The following ADAM23 variants were observed in gnomAD, a reference collection of about 807,000 sequenced individuals.
ADAM23 encodes the protein disintegrin and metalloproteinase domain-containing protein 23.
In ADAM23, 33 loss-of-function variants were observed where a neutral mutation model predicts 120.1. That is an observed-to-expected ratio of 0.27 (90% confidence interval 0.21 to 0.37). The LOEUF (loss-of-function observed/expected upper bound fraction) is 0.37, where lower values mean the gene tolerates loss of function less well. Among genes scored for constraint, ADAM23 ranks in the 10% least tolerant of loss-of-function variants. ADAM23 has a pLI of 1.00. For missense variants in ADAM23, 862 were observed against 1,058.2 expected (o/e 0.81, Z 2.57); for synonymous variants, 367 against 375.2 (o/e 0.98, Z 0.25).
At chr2:206,516,841 C>T (rs979477678) in intron 3 of ADAM23, among the ~76,000 whole-genome samples, 1 of 152,010 alleles carries the variant, frequency 6.6e-6, no homozygotes, top group African/African-American at 2.4e-5. Flanking sequence ...AGTGAGCTGG[C>T]ACCCAACCTA....
intron 3 of ADAM23, among the ~76,000 whole-genome samples, chr2:206,486,357 TCAAA>T (rs1309221384): frequency 1.1e-4 from 16 of 151,972 alleles, no homozygotes; most frequent in East Asian, 3.9e-4. Flanking sequence ...TTTTTTAGTG[TCAAA>T]CAAGCATTTT....
At chr2:206,599,204 CAAA>C (rs199786169) in intron 24 of ADAM23, among the ~76,000 whole-genome samples, 9 of 70,234 alleles carry the variant, frequency 1.3e-4, no homozygotes, top group Non-Finnish European at 1.2e-4. Context: ...GATTCCATCT[CAAA>C]AAAAAAAAAA....
chr2:206,587,307 A>G lies in ADAM23; in HGVS notation c.1738-18A>G, dbSNP rs895358835. Reference sequence around the variant, plus strand: ...ACCTAGCATGCTGAATATTAACTAAAAAGATAATATTTTGCAGTGCCCACC... The same window carrying G: ...ACCTAGCATGCTGAATATTAACTAAGAAGATAATATTTTGCAGTGCCCACC... On this transcript the variant is annotated intron_variant, in intron 18 of 25. Coordinates refer to ENST00000264377, the MANE Select transcript of ADAM23 (RefSeq NM_003812.4). 5.7e-6 allele frequency: 9 copies of G among 1,586,038 alleles called. No individual in the cohort carries two copies. The Admixed American group carries it at 1.0e-4, about 18-fold the overall frequency.
intron 25 of ADAM23, among the ~76,000 whole-genome samples, chr2:206,616,251 A>T (rs202050171): frequency 1.3e-5 from 2 of 152,286 alleles, no homozygotes; most frequent in East Asian, 3.9e-4. Flanking sequence ...TTGGTTTCAC[A>T]TTGGTTTCTT....
rs759443973 is a variant in ADAM23 at position 206,571,803 on chromosome 2, A to G, written c.1643A>G (p.Asn548Ser). The change falls in exon 17 of 26, where the codon AAT (asparagine) becomes AGT (serine). Residue 548 changes from asparagine to serine, a missense_variant. This residue lies in a region of ADAM23 where 617 missense variants were observed against 813.5 expected (regional missense o/e 0.76). Coordinates refer to ENST00000264377, the MANE Select transcript of ADAM23 (RefSeq NM_003812.4). ...AHCSDGPCCN[N>S]TSCLFQPRGY... Reference sequence around the variant, plus strand: ...TGCAGCGACGGGCCCTGCTGTAACAATACCTCATGTCTTGTGAGTTTTCTG... The same window carrying G: ...TGCAGCGACGGGCCCTGCTGTAACAGTACCTCATGTCTTGTGAGTTTTCTG... 2 of 1,613,908 alleles carry G rather than the reference A, an allele frequency of 1.2e-6. No individual in the cohort carries two copies. Among genetic ancestry groups the G allele is most frequent in the Non-Finnish European group, 1.7e-6 (2 of 1,179,822 alleles).
At chr2:206,605,973 C>T (rs1269744035) in intron 24 of ADAM23, 8 of 586,052 alleles carry the variant, frequency 1.4e-5, no homozygotes, top group African/African-American at 1.1e-4. Context: ...TCCTGTTGAC[C>T]GTGTTTCCTG....
rs191761396 is a variant in ADAM23, at chr2:206,455,586, T to C, written c.432+10062T>C. On this transcript the variant is annotated intron_variant, in intron 2 of 25. Coordinates refer to ENST00000264377, the MANE Select transcript of ADAM23 (RefSeq NM_003812.4). ...TCCAAACGTTTATGCTCTGCTTCTC[T>C]TTTAAATATAAGTTCCAGTTTCAGC... 2.6e-5 allele frequency among the ~76,000 whole-genome samples: 4 copies of C among 152,356 alleles called. No homozygotes were observed. The East Asian group carries it at 7.7e-4, about 29-fold the overall frequency.
In ADAM23 at chr2:206,530,682, T is replaced by C. The variant is rs1449586311; in HGVS notation, c.510-203T>C. On this transcript the variant is annotated intron_variant, in intron 3 of 25. Coordinates refer to ENST00000264377, the MANE Select transcript of ADAM23 (RefSeq NM_003812.4). Reference sequence around the variant, plus strand: ...TCTGTGTCTTGTCTTTTTTTTTTTTTTTTTTTTTTCTGCAGATTGGGGAGT... The same window carrying C: ...TCTGTGTCTTGTCTTTTTTTTTTTTCTTTTTTTTTCTGCAGATTGGGGAGT... Among the ~76,000 whole-genome samples the C allele has an allele frequency of 2.8e-4, 42 of 147,974 alleles. 1 individual carries two copies. The highest frequency in any genetic ancestry group is 4.7e-4 in the Admixed American group (7 of 14,902).
At chr2:206,518,809 A>T (rs1008647707) in intron 3 of ADAM23, among the ~76,000 whole-genome samples, 11 of 152,202 alleles carry the variant, frequency 7.2e-5, no homozygotes, top group Non-Finnish European at 1.5e-4. Flanking sequence ...TACAGCATAT[A>T]GGCAATACGA....
At chr2:206,543,998 G>C (rs918374312) in intron 6 of ADAM23, among the ~76,000 whole-genome samples, 14 of 152,174 alleles carry the variant, frequency 9.2e-5, no homozygotes, top group Non-Finnish European at 1.3e-4. Context: ...GGTGGTGAGT[G>C]ATAAAACACA....
rs116796480 is a variant in ADAM23 at position 206,575,432 on chromosome 2, G to A, written c.1737+2237G>A. 3.3e-3 allele frequency among the ~76,000 whole-genome samples: 507 copies of A among 152,192 alleles called. 3 individuals are homozygous for A. The highest frequency in any genetic ancestry group is 0.011 in the African/African-American group (476 of 41,534). On this transcript the variant is annotated intron_variant, in intron 18 of 25. Transcript: ENST00000264377. ...TATCAGTTGATTTATACCCAGTATG[G>A]GTATTTAGATTTTGGCAGTTTATTA...
chr2:206,496,833 C>T (rs1278276851), intron 3 of ADAM23, among the ~76,000 whole-genome samples: 4 of 152,080 alleles, frequency 2.6e-5, no homozygotes, highest in Admixed American at 6.6e-5. Context: ...ACCACCGATC[C>T]CACAGAAATA....
chr2:206,587,461 A>C, intron 19 of ADAM23, 86 bp downstream of exon 19: 1 of 1,056,942 alleles, frequency 9.5e-7, no homozygotes, highest in Non-Finnish European at 1.4e-6. Flanking sequence ...TATTAATATA[A>C]CTTTGAAGGG....
At chr2:206,612,722 C>T (rs895974710) in intron 25 of ADAM23, among the ~76,000 whole-genome samples, 1 of 152,152 alleles carries the variant, frequency 6.6e-6, no homozygotes, top group African/African-American at 2.4e-5. Flanking sequence ...CCTTGTCTGC[C>T]ATTCTTTAAA....
chr2:206,504,876 A>T (rs1490625489), intron 3 of ADAM23, among the ~76,000 whole-genome samples: 3 of 152,186 alleles, frequency 2.0e-5, no homozygotes, highest in Non-Finnish European at 2.9e-5. Context: ...GCTGTAGATT[A>T]TGTATGTGGA....
intron 15 of ADAM23, among the ~76,000 whole-genome samples, chr2:206,567,988 G>A (rs77123224): frequency 0.018 from 2,775 of 152,258 alleles, 42 homozygotes; most frequent in Non-Finnish European, 0.029. Flanking sequence ...ACTGTATGGG[G>A]AAACCGCCCC....
chr2:206,582,751 G>GGT (rs1698243188), intron 18 of ADAM23, among the ~76,000 whole-genome samples: 1 of 152,166 alleles, frequency 6.6e-6, no homozygotes. Flanking sequence ...GTGGTGGTTT[G>GGT]GTAGTGGAAA....
chr2:206,457,220 T>C (rs1193610875), intron 2 of ADAM23, among the ~76,000 whole-genome samples: 1 of 152,242 alleles, frequency 6.6e-6, no homozygotes, highest in Non-Finnish European at 1.5e-5. Flanking sequence ...GGCACTTTCA[T>C]ATCTATAATC....
At chr2:206,505,171 T>C (rs1462737616) in intron 3 of ADAM23, among the ~76,000 whole-genome samples, 1 of 152,168 alleles carries the variant, frequency 6.6e-6, no homozygotes, top group Non-Finnish European at 1.5e-5. Context: ...GTAGTTTAGA[T>C]TTGGTTTTCA....
Sources: gnomAD v4.1 joint callset for allele counts (sites outside exome capture counted in the v4.1 genomes callset) on GRCh38, gnomAD v4.1.1 for gene constraint, gnomAD v4.1.1 regional missense constraint, MANE v1.5 for transcripts, NCBI Gene and HGNC (gene_info 2026-07-23, HGNC 2026-07-21) for gene names.